C8orf34: variants seen among roughly 807,000 people sequenced by gnomAD.
The protein encoded by C8orf34 is chromosome 8 open reading frame 34.
Under a neutral mutation model 68.3 loss-of-function variants are expected in C8orf34, and 65 were observed. The observed-to-expected ratio is 0.95, with a 90% CI of 0.78 to 1.17. C8orf34 has a LOEUF of 1.17. Among genes scored for constraint, C8orf34 ranks in the 50% most tolerant of loss-of-function variants. The pLI is 0.00. For missense variants in C8orf34, 664 were observed against 655.4 expected (o/e 1.01, Z -0.14); for synonymous variants, 244 against 241.2 (o/e 1.01, Z -0.11).
chr8:68,816,171 A>C (rs912146089), intron 13 of C8orf34, among the ~76,000 whole-genome samples: 5 of 149,702 alleles, frequency 3.3e-5, no homozygotes, highest in African/African-American at 1.2e-4. Flanking sequence ...CATGTTCTAT[A>C]GGTTTTGGAG....
At chr8:68,579,126 T>A (rs1816989079) in intron 7 of C8orf34, among the ~76,000 whole-genome samples, 1 of 151,926 alleles carries the variant, frequency 6.6e-6, no homozygotes, top group African/African-American at 2.4e-5. Context: ...TTTTGAAAAT[T>A]TTTTTTTAAT....
At chr8:68,442,883 C>T (rs1810970597) in intron 2 of C8orf34, among the ~76,000 whole-genome samples, 2 of 152,110 alleles carry the variant, frequency 1.3e-5, no homozygotes, top group Non-Finnish European at 2.9e-5. Flanking sequence ...AAGACTATGC[C>T]ACTGTCTGAA....
intron 7 of C8orf34, among the ~76,000 whole-genome samples, chr8:68,617,320 A>C (rs374285156): frequency 4.6e-5 from 7 of 152,132 alleles, no homozygotes; most frequent in South Asian, 2.1e-4. Flanking sequence ...GAATTTGATC[A>C]TGTCATTATG....
In C8orf34 at chr8:68,640,450, C is replaced by T. The variant is rs768753116; in HGVS notation, c.1180C>T (p.Pro394Ser). Residue 394 changes from proline to serine, a missense_variant, in exon 8 of 14, where the codon CCT becomes TCT. Physicochemically the swap from Pro to Ser is moderately conservative, Grantham distance 74. Transcript: ENST00000518698. ...TGGGAGCAAATTTAACCAAGGCCGT[C>T]CTACTTACCCTGCTGAGCCTCAGGC... ...PSGSKFNQGRPTYPAEPQAKV... is the reference protein window; with the variant it reads ...PSGSKFNQGRSTYPAEPQAKV... The T allele has an allele frequency of 1.2e-6, 2 of 1,613,800 alleles. No homozygotes were observed. Among genetic ancestry groups the T allele is most frequent in the South Asian group, 2.2e-5 (2 of 91,082 alleles).
chr8:68,332,388 G>GC lies in C8orf34; in HGVS notation c.327+1055dup, dbSNP rs1805661099. On this transcript the variant is annotated intron_variant, in intron 1 of 13. Transcript: ENST00000518698. Reference sequence around the variant, plus strand: ...CCCGCCTTGCCCCCGCCTTGCCCCCGCCCCCCACGTCTCCCAGAAGCAGTT... The same window carrying GC: ...CCCGCCTTGCCCCCGCCTTGCCCCCGCCCCCCCACGTCTCCCAGAAGCAGTT... Among the ~76,000 whole-genome samples the GC allele has an allele frequency of 1.0e-4, 4 of 38,860 alleles. No individual in the cohort carries two copies. The South Asian group carries it at 3.5e-3, about 34-fold the overall frequency. 25.5% of individuals were successfully genotyped at this position (38,860 alleles called of 152,430 possible).
chr8:68,694,752 A>T (rs1401210078), intron 8 of C8orf34, among the ~76,000 whole-genome samples: 2 of 152,004 alleles, frequency 1.3e-5, no homozygotes, highest in East Asian at 1.9e-4. Context: ...AACATTCTGG[A>T]TCTCCCTGGT....
chr8:68,521,507 C>G lies in C8orf34; in HGVS notation c.766-292C>G, dbSNP rs141329867. 6.9e-3 allele frequency among the ~76,000 whole-genome samples: 1,053 copies of G among 152,306 alleles called. 6 individuals carry two copies. The highest frequency in any genetic ancestry group is 0.012 in the Non-Finnish European group (818 of 68,028). On this transcript the variant is annotated intron_variant, in intron 5 of 13. Transcript: ENST00000518698. ...TGGGCCGCCCTGTTTACAACACACT[C>G]TTCCTTCTGCCTTGAATGCTCATCC...
chr8:68,396,712 C>CAAAAAAAAAAA lies in C8orf34; in HGVS notation c.328-42768_328-42758dup, dbSNP rs56946858. 5.3e-4 allele frequency among the ~76,000 whole-genome samples: 10 copies of CAAAAAAAAAAA among 18,700 alleles called. 2 individuals are homozygous for CAAAAAAAAAAA. Among genetic ancestry groups the CAAAAAAAAAAA allele is most frequent in the African/African-American group, 1.6e-3 (9 of 5,646 alleles). The allele number at this position is 18,700 out of a possible 152,430, so 12.3% of individuals were successfully genotyped here. ...ATTAGTTCCTGCAAAAGCTGCTTGT[C>CAAAAAAAAAAA]AAAAAAAAAAAAAAAAAAAAAAAAA... is the stretch of plus-strand genomic sequence containing the variant. On this transcript the variant is annotated intron_variant, in intron 1 of 13. Transcript: ENST00000518698.
intron 8 of C8orf34, among the ~76,000 whole-genome samples, chr8:68,650,219 T>C (rs1034441230): frequency 2.7e-5 from 4 of 150,574 alleles, no homozygotes; most frequent in African/African-American, 7.4e-5. Context: ...CGTTGTCCCA[T>C]GGCCGTGGAA....
intron 8 of C8orf34, among the ~76,000 whole-genome samples, chr8:68,671,118 T>G (rs1205442033): frequency 6.6e-6 from 1 of 152,204 alleles, no homozygotes; most frequent in East Asian, 1.9e-4. Context: ...GCTGGCTCCA[T>G]CTCTAAAATA....
chr8:68,493,251 A>G (rs2129632002), intron 5 of C8orf34, among the ~76,000 whole-genome samples: 1 of 152,066 alleles, frequency 6.6e-6, no homozygotes, highest in Admixed American at 6.6e-5. Context: ...GTTAGTGTCC[A>G]GAATATATGA....
chr8:68,514,163 A>G (rs1814404900), intron 5 of C8orf34, among the ~76,000 whole-genome samples: 1 of 152,180 alleles, frequency 6.6e-6, no homozygotes. Context: ...AGGTGGAAAC[A>G]GGGACTCTCG....
At chr8:68,620,628 T>C (rs539109290) in intron 7 of C8orf34, among the ~76,000 whole-genome samples, 2 of 149,736 alleles carry the variant, frequency 1.3e-5, no homozygotes, top group East Asian at 3.9e-4. Flanking sequence ...GGAGTCTTTT[T>C]AGGGATTTTG....
intron 7 of C8orf34, among the ~76,000 whole-genome samples, chr8:68,577,918 A>C (rs962875263): frequency 6.6e-6 from 1 of 151,958 alleles, no homozygotes; most frequent in African/African-American, 2.4e-5. Context: ...CTGAAATGTG[A>C]ACAGTGGCTC....
chr8:68,700,408 G>C (rs574489517), intron 8 of C8orf34, among the ~76,000 whole-genome samples: 1 of 152,218 alleles, frequency 6.6e-6, no homozygotes, highest in Non-Finnish European at 1.5e-5. Context: ...AATGGGTTCG[G>C]CAAAGAGAAT....
At chr8:68,447,501 C>G (rs927226076) in intron 3 of C8orf34, 1 of 152,176 alleles carries the variant, frequency 6.6e-6, no homozygotes, top group African/African-American at 2.4e-5. Context: ...CACAGCTATT[C>G]TTGGAAGAAA....
Position 68,331,100 on chromosome 8 carries a change from C to T in C8orf34, c.88C>T (p.Pro30Ser), listed in dbSNP as rs1265876208. 1.3e-6 allele frequency: 2 copies of T among 1,495,534 alleles called. No homozygotes were observed. The highest frequency in any genetic ancestry group is 1.8e-6 in the Non-Finnish European group (2 of 1,131,682). 92.6% of individuals were successfully genotyped at this position (1,495,534 alleles called of 1,614,324 possible). ...CTCAGCGCCCCACGCGCGCGTGGCT[C>T]CCCGGGCTGCCACCCACGCCCGCGG... is the stretch of plus-strand genomic sequence containing the variant. ...RLSAPHARVAPRAATHARGRG... is the reference protein window; with the variant it reads ...RLSAPHARVASRAATHARGRG... The change falls in exon 1 of 14, where the codon CCC becomes TCC. Residue 30 changes from proline (P) to serine (S), a missense_variant. Pro to Ser is a moderately conservative substitution (Grantham distance 74). Transcript: ENST00000518698.
At chr8:68,791,164 T>C (rs533052874) in intron 12 of C8orf34, 4 of 422,754 alleles carry the variant, frequency 9.5e-6, no homozygotes, top group African/African-American at 8.1e-5. Context: ...GAAAAAAGGT[T>C]TAATTGACTC....
chr8:68,532,280 TACTC>T (rs1260835788), intron 6 of C8orf34, among the ~76,000 whole-genome samples: 1 of 152,174 alleles, frequency 6.6e-6, no homozygotes, highest in Non-Finnish European at 1.5e-5. Flanking sequence ...CACCATCTGA[TACTC>T]AATAATATTT....
Sources: allele counts gnomAD v4.1 joint callset (sites outside exome capture counted in the v4.1 genomes callset), GRCh38; gene constraint gnomAD v4.1.1; transcripts MANE v1.5; gene names NCBI Gene and HGNC (gene_info 2026-07-23, HGNC 2026-07-21).